The following BRD9 variants were observed in gnomAD, a reference collection of about 807,000 sequenced individuals.
BRD9 encodes the protein bromodomain-containing protein 9.
A neutral mutation model predicts 68.7 loss-of-function variants in BRD9; 47 were observed. That is an observed-to-expected ratio of 0.68 (90% confidence interval 0.54 to 0.87). The LOEUF is 0.87. BRD9 is among the 40% of genes least tolerant of loss of function. The probability of loss-of-function intolerance (pLI) is 0.00; values close to 1 mark genes in which losing one functional copy is unlikely to be tolerated. For missense variants in BRD9, 670 were observed against 748.4 expected (o/e 0.90, Z 1.22); for synonymous variants, 313 against 293.9 (o/e 1.06, Z -0.67).
rs372048333 is a variant in BRD9 at position 890,868 on chromosome 5, CTTTT to C, written c.400+283_400+286del. 2.9e-3 allele frequency among the ~76,000 whole-genome samples: 444 copies of C among 152,244 alleles called. 5 individuals carry two copies. Among genetic ancestry groups the C allele is most frequent in the Middle Eastern group, 0.027 (8 of 294 alleles). ...ATACGATTGGTCTCTGTGGAGATGC[CTTTT>C]TGTTTCTTTTTATGAACGCTTAAAA... is the stretch of plus-strand genomic sequence containing the variant. On this transcript the variant is annotated intron_variant, in intron 3 of 15. Coordinates refer to ENST00000467963, the MANE Select transcript of BRD9 (RefSeq NM_023924.5).
At position 864,302 on chromosome 5, in the gene BRD9, T is replaced by C. The variant is rs900352369; in HGVS notation, c.*166A>G. On this transcript the variant is annotated 3_prime_UTR_variant, in exon 16 of 16. Transcript: ENST00000467963. ...CTCCACTCCTCAGGGTTCGTGGGGC[T>C]TGGAGACTCTGCTGACATGATACCA... The C allele has an allele frequency of 7.3e-6, 4 of 548,986 alleles. No homozygotes were observed. The East Asian group carries it at 1.3e-4, about 18-fold the overall frequency. 34.0% of individuals were successfully genotyped at this position (548,986 alleles called of 1,614,324 possible). A position where few individuals can be genotyped will look rare whatever the true frequency, so the allele number is the denominator to read the frequency against.
Position 889,617 on chromosome 5 carries a change from A to T in BRD9, c.431T>A (p.Leu144His). ...AAGCTGGCGGAGGAAGTGTTCCAGGAGTTGCTGAATAGGTGTGCTCTCATT... is the reference window on the plus strand; with the variant it reads ...AAGCTGGCGGAGGAAGTGTTCCAGGTGTTGCTGAATAGGTGTGCTCTCATT... ...AENESTPIQQ[L>H]LEHFLRQLQR... Residue 144 changes from leucine to histidine, a missense_variant, in exon 4 of 16, where the codon CTC becomes CAC. Coordinates refer to ENST00000467963, the MANE Select transcript of BRD9 (RefSeq NM_023924.5). 1 of 1,613,738 alleles carries T rather than the reference A, an allele frequency of 6.2e-7. No individual in the cohort carries two copies. The highest frequency in any genetic ancestry group is 1.1e-5 in the South Asian group (1 of 91,062).
At chr5:891,552 C>G in intron 2 of BRD9, 88 bp downstream of exon 2, 2 of 1,494,274 alleles carry the variant, frequency 1.3e-6, no homozygotes, top group African/African-American at 2.8e-5. Flanking sequence ...CCTCCAGCCA[C>G]GCAGGCGCAC....
chr5:885,720 G>A (rs114870849), intron 7 of BRD9, among the ~76,000 whole-genome samples: 513 of 152,308 alleles, frequency 3.4e-3, no homozygotes, highest in Middle Eastern at 0.01. Flanking sequence ...CGCTCTCTGG[G>A]GCCTGCACTC....
intron 5 of BRD9, among the ~76,000 whole-genome samples, chr5:887,957 C>T (rs369893013): frequency 1.3e-5 from 2 of 152,148 alleles, no homozygotes; most frequent in Non-Finnish European, 2.9e-5. Context: ...AAAAGGACAA[C>T]CTTATTTTGT....
At position 884,048 on chromosome 5, in the gene BRD9, T is replaced by A; in HGVS notation, c.856A>T (p.Asn286Tyr). The change falls in exon 8 of 16, where the codon AAT (asparagine) becomes TAT (tyrosine). Residue 286 changes from asparagine to tyrosine, a missense_variant. Asn to Tyr is a moderately radical substitution (Grantham distance 143). This residue lies in a region of BRD9 where 135 missense variants were observed against 141.2 expected (regional missense o/e 0.96). Coordinates refer to ENST00000467963, the MANE Select transcript of BRD9 (RefSeq NM_023924.5). ...VISCMFEPEG[N>Y]ACSLTDSTAE... ...GTACTGTCCGTCAAGCTGCAGGCAT[T>A]CCCTTCAGGCTCAAACATGCAGCTG... The A allele has an allele frequency of 6.2e-7, 1 of 1,613,582 alleles. No homozygotes were observed. The highest frequency in any genetic ancestry group is 8.5e-7 in the Non-Finnish European group (1 of 1,179,994).
chr5:892,557 C>A, intron 1 of BRD9, 49 bp downstream of exon 1: 1 of 1,529,368 alleles, frequency 6.5e-7, no homozygotes, highest in Non-Finnish European at 8.8e-7. Context: ...ACTCCTCCCC[C>A]GTGCCCGGGA....
At chr5:881,273 G>C in intron 8 of BRD9, 91 bp from the exon 9 acceptor site, 1 of 1,228,148 alleles carries the variant, frequency 8.1e-7, no homozygotes. Flanking sequence ...CTTAATGGGG[G>C]TGAAAGCACA....
chr5:892,440 C>G, intron 1 of BRD9, 166 bp downstream of exon 1: 1 of 1,400,300 alleles, frequency 7.1e-7, no homozygotes, highest in African/African-American at 1.5e-5. Context: ...CTCACGTGTG[C>G]CCGGTTCCCT....
At chr5:872,179 C>T (rs1298586990) in intron 12 of BRD9, among the ~76,000 whole-genome samples, 1 of 152,214 alleles carries the variant, frequency 6.6e-6, no homozygotes, top group Non-Finnish European at 1.5e-5. Context: ...TCCGGTGGAG[C>T]GATGCTGTAG....
At chr5:884,751 C>A (rs186771059) in intron 7 of BRD9, among the ~76,000 whole-genome samples, 1 of 152,268 alleles carries the variant, frequency 6.6e-6, no homozygotes, top group South Asian at 2.1e-4. Flanking sequence ...CCCATGAGAG[C>A]GGCCCTGCCC....
rs377195013 is a variant in BRD9, at chr5:886,608, T to A, written c.817A>T (p.Ser273Cys). Residue 273 changes from serine to cysteine, a missense_variant, in exon 7 of 16, where the codon AGT (serine) becomes TGT (cysteine). Transcript: ENST00000467963. Reference sequence around the variant, plus strand: ...AACCTTTACCTGATAACTTCTCTACTCGGCTTTTTGGATTTCTTGGCAGTT... The same window carrying A: ...AACCTTTACCTGATAACTTCTCTACACGGCTTTTTGGATTTCTTGGCAGTT... ...VETAKKSKKP[S>C]REVISCMFEP... 6.2e-7 allele frequency: 1 copy of A among 1,613,926 alleles called. No individual in the cohort carries two copies. The highest frequency in any genetic ancestry group is 8.5e-7 in the Non-Finnish European group (1 of 1,179,970).
intron 11 of BRD9, 138 bp from the exon 12 acceptor site, chr5:876,350 G>A: frequency 3.3e-6 from 2 of 607,712 alleles, no homozygotes; most frequent in South Asian, 2.0e-5. Context: ...TATTTTGTGG[G>A]GAGTGGCTGA....
intron 3 of BRD9, among the ~76,000 whole-genome samples, chr5:890,358 T>G (rs532784219): frequency 6.6e-6 from 1 of 152,134 alleles, no homozygotes; most frequent in African/African-American, 2.4e-5. Context: ...TGATGTCCCA[T>G]GTCCCAAAGC....
intron 8 of BRD9, 55 bp from the exon 9 acceptor site, chr5:881,237 A>AT: frequency 6.5e-7 from 1 of 1,546,098 alleles, no homozygotes; most frequent in Non-Finnish European, 8.9e-7. Flanking sequence ...GCGCAGCACA[A>AT]ATGAAATGAA....
chr5:892,679 G>C lies in BRD9; in HGVS notation c.-22C>G, dbSNP rs1299161140. 1 of 1,399,984 alleles carries C rather than the reference G, an allele frequency of 7.1e-7. No homozygotes were observed. The highest frequency in any genetic ancestry group is 1.5e-5 in the African/African-American group (1 of 66,168). 86.7% of individuals were successfully genotyped at this position (1,399,984 alleles called of 1,614,324 possible). ...CCATGGCGGCGCCGGCGGCGGGCCC[G>C]AGGCGGGGGCTGGGAACAGCTGGCA... On this transcript the variant is annotated 5_prime_UTR_variant, in exon 1 of 16. Transcript: ENST00000467963.
intron 3 of BRD9, 35 bp downstream of exon 3, chr5:891,120 G>A (rs1340703566): frequency 2.0e-6 from 3 of 1,522,920 alleles, no homozygotes; most frequent in African/African-American, 2.8e-5. Flanking sequence ...GATGAGCTGT[G>A]AACACCAGGA....
At chr5:885,796 G>A (rs73733969) in intron 7 of BRD9, among the ~76,000 whole-genome samples, 5,700 of 152,298 alleles carry the variant, frequency 0.037, 327 homozygotes, top group African/African-American at 0.13. Flanking sequence ...GCTATGTTAA[G>A]TGCTCTTGGT....
intron 6 of BRD9, 88 bp from the exon 7 acceptor site, chr5:886,795 G>T: frequency 6.3e-7 from 1 of 1,599,692 alleles, no homozygotes. Context: ...AGAGCAGCAG[G>T]GATTTACCTC....
Sources: allele counts gnomAD v4.1 joint callset (sites outside exome capture counted in the v4.1 genomes callset), GRCh38; gene constraint gnomAD v4.1.1; regional missense constraint gnomAD v4.1.1; transcripts MANE v1.5; gene names NCBI Gene and HGNC (gene_info 2026-07-23, HGNC 2026-07-21).